Variants in EYS observed in about 807,000 individuals in gnomAD.
The protein encoded by EYS is EGF-like photoreceptor maintenance factor, also known as protein eyes shut homolog.
Under a neutral mutation model 282.1 loss-of-function variants are expected in EYS, and 250 were observed. That is an observed-to-expected ratio of 0.89 (90% CI 0.80 to 0.98). The LOEUF (loss-of-function observed/expected upper bound fraction) is 0.98. Among genes scored for constraint, EYS ranks in the 50% least tolerant of loss-of-function variants. The probability of loss-of-function intolerance (pLI) is 0.00; values close to 1 mark genes in which losing one functional copy is unlikely to be tolerated. For missense variants in EYS, 4,016 were observed against 3,709.0 expected (o/e 1.08, Z -2.15); for synonymous variants, 1,355 against 1,282.9 (o/e 1.06, Z -1.20).
chr6:65,311,934 C>T (rs1172723663), intron 11 of EYS, among the ~76,000 whole-genome samples: 3 of 152,092 alleles, frequency 2.0e-5, no homozygotes, highest in Admixed American at 1.3e-4. Flanking sequence ...GTAGGGGTAC[C>T]GTTTTGCTAA....
chr6:64,139,842 G>A (rs1005214669), intron 31 of EYS, among the ~76,000 whole-genome samples: 86 of 151,902 alleles, frequency 5.7e-4, no homozygotes, highest in African/African-American at 1.9e-3. Flanking sequence ...GGTGGCAGGC[G>A]CCTGTAATCC....
In EYS at chr6:65,227,856, G is replaced by A. The variant is rs1019438035; in HGVS notation, c.2023+68007C>T. On this transcript the variant is annotated intron_variant, in intron 12 of 42. Transcript: ENST00000503581. ...TATTGTTTGATTCTACTTATATAAT[G>A]TATAAATTGAAATTCATAGAGACAG... 2.6e-5 allele frequency among the ~76,000 whole-genome samples: 4 copies of A among 152,148 alleles called. No individual in the cohort carries two copies. In the East Asian group the frequency reaches 5.8e-4, roughly 22 times the overall value.
intron 28 of EYS, among the ~76,000 whole-genome samples, chr6:64,399,888 A>AATAG (rs1387999205): frequency 6.6e-6 from 1 of 151,900 alleles, no homozygotes; most frequent in African/African-American, 2.4e-5. Context: ...TGGTCCTGAT[A>AATAG]ATAGTTTCTG....
intron 10 of EYS, among the ~76,000 whole-genome samples, chr6:65,340,464 A>T (rs1204307409): frequency 6.6e-6 from 1 of 151,214 alleles, no homozygotes; most frequent in Admixed American, 6.6e-5. Flanking sequence ...ACTGAGAAAA[A>T]GCAAGACTAA....
At chr6:65,503,373 A>C (rs186345532) in intron 2 of EYS, among the ~76,000 whole-genome samples, 11 of 151,794 alleles carry the variant, frequency 7.2e-5, no homozygotes, top group Non-Finnish European at 1.5e-4. Context: ...ATCCTTTATC[A>C]GATATGTGTT....
At chr6:63,898,351 C>T (rs908536596) in intron 35 of EYS, among the ~76,000 whole-genome samples, 2 of 151,920 alleles carry the variant, frequency 1.3e-5, no homozygotes, top group African/African-American at 2.4e-5. Context: ...TTTAGCTGGG[C>T]GTGGTGGCGC....
intron 2 of EYS, among the ~76,000 whole-genome samples, chr6:65,529,293 G>A (rs868577369): frequency 6.6e-6 from 1 of 152,216 alleles, no homozygotes; most frequent in Middle Eastern, 3.4e-3. Context: ...ATAATTCTGT[G>A]TAAGTAACCA....
At position 65,389,659 on chromosome 6, in the gene EYS, C is replaced by T. The variant is rs371944608; in HGVS notation, c.1185-5159G>A. On this transcript the variant is annotated intron_variant, in intron 7 of 42. Coordinates refer to ENST00000503581, the MANE Select transcript of EYS (RefSeq NM_001142800.2). ...TTAAAGGATTTGTTGATGGACAAGA[C>T]GTGTCAAAAGAGAGAAAAGAAGAAA... Among the ~76,000 whole-genome samples, 25 of 151,928 alleles carry T rather than the reference C, an allele frequency of 1.6e-4. 1 individual carries two copies. In the East Asian group the frequency reaches 3.7e-3, roughly 22 times the overall value.
At chr6:64,903,927 A>G (rs1767744696) in intron 16 of EYS, among the ~76,000 whole-genome samples, 2 of 152,164 alleles carry the variant, frequency 1.3e-5, no homozygotes, top group Non-Finnish European at 2.9e-5. Flanking sequence ...TACTTAATCC[A>G]AAAGAAAACA....
chr6:65,453,791 G>A (rs1006139416), intron 5 of EYS, among the ~76,000 whole-genome samples: 2 of 151,898 alleles, frequency 1.3e-5, no homozygotes, highest in East Asian at 3.9e-4. Context: ...TTGTCTGTCT[G>A]TGTCTGGCTT....
intron 2 of EYS, among the ~76,000 whole-genome samples, chr6:65,510,763 A>G (rs1443917348): frequency 6.6e-6 from 1 of 152,208 alleles, no homozygotes; most frequent in Non-Finnish European, 1.5e-5. Context: ...ATTTAGATGT[A>G]TCAAAATAAG....
chr6:64,233,227 G>T (rs1766482090), intron 30 of EYS, among the ~76,000 whole-genome samples: 1 of 151,994 alleles, frequency 6.6e-6, no homozygotes, highest in African/African-American at 2.4e-5. Context: ...AAAACATCAG[G>T]ATCACAAATC....
intron 2 of EYS, among the ~76,000 whole-genome samples, chr6:65,592,076 C>A (rs1444807330): frequency 6.6e-6 from 1 of 151,906 alleles, no homozygotes; most frequent in Non-Finnish European, 1.5e-5. Context: ...ATCATTGTAT[C>A]AATTTGTATG....
At chr6:65,647,267 A>G (rs1020827725) in intron 1 of EYS, among the ~76,000 whole-genome samples, 12 of 152,290 alleles carry the variant, frequency 7.9e-5, no homozygotes, top group African/African-American at 2.9e-4. Context: ...TTCACACTAT[A>G]CTATAAAGCC....
At chr6:64,129,059 C>A (rs1217122538) in intron 31 of EYS, among the ~76,000 whole-genome samples, 1 of 152,194 alleles carries the variant, frequency 6.6e-6, no homozygotes, top group East Asian at 1.9e-4. Flanking sequence ...TTTGTTAAAA[C>A]ACAGCCACAC....
At chr6:64,633,802 A>G (rs890700807) in intron 22 of EYS, among the ~76,000 whole-genome samples, 1 of 152,084 alleles carries the variant, frequency 6.6e-6, no homozygotes. Flanking sequence ...GCCTTGACCA[A>G]TAGCCACATA....
At chr6:64,838,866 T>A (rs1051251318) in intron 19 of EYS, among the ~76,000 whole-genome samples, 1 of 151,992 alleles carries the variant, frequency 6.6e-6, no homozygotes, top group African/African-American at 2.4e-5. Context: ...TCAATACCTA[T>A]GATACAATTT....
chr6:63,821,644 C>T (rs1198053772), intron 36 of EYS: 2 of 152,220 alleles, frequency 1.3e-5, no homozygotes, highest in Non-Finnish European at 2.9e-5. Flanking sequence ...AGCATGCTGC[C>T]TGGAATCTGA....
At chr6:63,895,905 G>T (rs1206526802) in intron 35 of EYS, among the ~76,000 whole-genome samples, 233 of 124,242 alleles carry the variant, frequency 1.9e-3, no homozygotes, top group African/African-American at 5.1e-3. Flanking sequence ...ATCATGATTT[G>T]TTTTTTTTTT....
Sources: allele counts gnomAD v4.1 joint callset (sites outside exome capture counted in the v4.1 genomes callset), GRCh38; gene constraint gnomAD v4.1.1; transcripts MANE v1.5; gene names NCBI Gene and HGNC (gene_info 2026-07-23, HGNC 2026-07-21).